Variants in KCNJ16 observed in about 807,000 individuals in gnomAD.
KCNJ16 encodes the protein potassium inwardly rectifying channel subfamily J member 16, also known as inward rectifier potassium channel 16.
KCNJ16 carries 15 observed loss-of-function variants against 18.5 expected under a neutral mutation model. The observed-to-expected ratio is 0.81, with a 90% CI of 0.54 to 1.25. The LOEUF (loss-of-function observed/expected upper bound fraction) is 1.25. KCNJ16 is among the 50% of genes most tolerant of loss of function. KCNJ16 has a pLI of 0.00. For synonymous variants in KCNJ16, 174 were observed against 186.5 expected (o/e 0.93, Z 0.55); for missense variants, 523 against 525.7 (o/e 0.99, Z 0.05).
rs1305205889 is a variant in KCNJ16, at chr17:70,133,162, G to A, written c.1075G>A (p.Val359Ile). 6.2e-7 allele frequency: 1 copy of A among 1,614,094 alleles called. No homozygotes were observed. The highest frequency in any genetic ancestry group is 2.2e-5 in the East Asian group (1 of 44,898). ...GCTCCACATAGAAAAAGCACCACCAGTTCGAGAATCCTGCACGTCGGACAC... is the reference window on the plus strand; with the variant it reads ...GCTCCACATAGAAAAAGCACCACCAATTCGAGAATCCTGCACGTCGGACAC... Reference protein sequence around the residue: ...QQLHIEKAPPVRESCTSDTKA... With the variant: ...QQLHIEKAPPIRESCTSDTKA... The change falls in exon 4 of 4, where the codon GTT becomes ATT. Residue 359 changes from valine to isoleucine, a missense_variant. By Grantham distance (29) the Val-to-Ile change is conservative (BLOSUM62 3). Transcript: ENST00000392671.
chr17:70,092,515 TA>T (rs1360811555), intron 1 of KCNJ16, among the ~76,000 whole-genome samples: 1 of 39,416 alleles, frequency 2.5e-5, no homozygotes, highest in Non-Finnish European at 5.4e-5. Context: ...GATAGATAGA[TA>T]GATAGATACA....
At chr17:70,094,509 A>T (rs1475689540) in intron 1 of KCNJ16, among the ~76,000 whole-genome samples, 1 of 152,224 alleles carries the variant, frequency 6.6e-6, no homozygotes, top group Non-Finnish European at 1.5e-5. Context: ...AATTAATAAA[A>T]GTATGTATTT....
chr17:70,098,340 G>A (rs1598116567), intron 1 of KCNJ16, among the ~76,000 whole-genome samples: 1 of 152,162 alleles, frequency 6.6e-6, no homozygotes, highest in South Asian at 2.1e-4. Flanking sequence ...AATCAAGTGT[G>A]GAAAAGGCTA....
chr17:70,095,217 T>C (rs1372685003), intron 1 of KCNJ16, among the ~76,000 whole-genome samples: 1 of 152,228 alleles, frequency 6.6e-6, no homozygotes, highest in South Asian at 2.1e-4. Flanking sequence ...ACTATGTTTT[T>C]TATCTTGAGA....
intron 2 of KCNJ16, among the ~76,000 whole-genome samples, chr17:70,116,512 C>G (rs2073412667): frequency 6.6e-6 from 1 of 152,138 alleles, no homozygotes; most frequent in Admixed American, 6.5e-5. Context: ...TAGCTTACCT[C>G]CAGAAATAGT....
chr17:70,133,319 G>T lies in KCNJ16; in HGVS notation c.1232G>T (p.Arg411Ile). 6.2e-7 allele frequency: 1 copy of T among 1,613,406 alleles called. No homozygotes were observed. Among genetic ancestry groups the T allele is most frequent in the East Asian group, 2.2e-5 (1 of 44,862 alleles). The change falls in exon 4 of 4, where the codon AGA becomes ATA. Residue 411 changes from arginine (R) to isoleucine (I), a missense_variant. Arg to Ile is a moderately conservative substitution (Grantham distance 97). Coordinates refer to ENST00000392671, the MANE Select transcript of KCNJ16 (RefSeq NM_170741.4). ...CAGAAAGCTCTCCTGACTTTAAACA[G>T]AATCTCTGTAGAATCCCAAATGTAG... The part of the protein sequence containing the change: ...PYQKALLTLN[R>I]ISVESQM
intron 1 of KCNJ16, among the ~76,000 whole-genome samples, chr17:70,095,968 C>T (rs550274096): frequency 8.1e-5 from 12 of 149,056 alleles, no homozygotes; most frequent in African/African-American, 1.5e-4. Flanking sequence ...CTGCAAGCTC[C>T]GCCTCCCGGG....
intron 2 of KCNJ16, among the ~76,000 whole-genome samples, chr17:70,110,064 C>T (rs887903406): frequency 2.0e-5 from 3 of 152,164 alleles, no homozygotes; most frequent in African/African-American, 7.2e-5. Flanking sequence ...TGTAAAGTTT[C>T]TCCAGACACG....
At chr17:70,076,600 G>C (rs944439839) in intron 1 of KCNJ16, among the ~76,000 whole-genome samples, 1 of 152,114 alleles carries the variant, frequency 6.6e-6, no homozygotes, top group Non-Finnish European at 1.5e-5. Flanking sequence ...TGCAAGAAAA[G>C]ACTGCTTTGG....
In KCNJ16 at chr17:70,086,764, A is replaced by G. The variant is rs531219718; in HGVS notation, c.-300+11374A>G. Among the ~76,000 whole-genome samples, 9 of 152,312 alleles carry G rather than the reference A, an allele frequency of 5.9e-5. No individual in the cohort carries two copies. In the East Asian group the frequency reaches 1.7e-3, roughly 29 times the overall value. The stretch of plus-strand genomic sequence containing the variant: ...TTTTAAACTAAAGATCAGATCATAC[A>G]CTGGCATATTTTTGTTATTCTTGTT... On this transcript the variant is annotated intron_variant, in intron 1 of 3. Transcript: ENST00000392671.
intron 1 of KCNJ16, 135 bp downstream of exon 1, chr17:70,075,525 ATAATT>A (rs1049263922): frequency 3.3e-5 from 5 of 152,218 alleles, no homozygotes; most frequent in African/African-American, 1.2e-4. Flanking sequence ...TGCAATTAAG[ATAATT>A]TAATTTTTTA....
intron 1 of KCNJ16, chr17:70,096,843 G>A (rs1376754468): frequency 2.5e-6 from 1 of 397,522 alleles, no homozygotes. Flanking sequence ...TAGTAACTTG[G>A]TCAGGGTTTT....
chr17:70,129,512 A>G (rs1035118025), intron 2 of KCNJ16, among the ~76,000 whole-genome samples: 9 of 152,234 alleles, frequency 5.9e-5, no homozygotes, highest in African/African-American at 2.2e-4. Flanking sequence ...TTTGGTTACA[A>G]TTGATCATTT....
chr17:70,082,430 T>C (rs2071595766), intron 1 of KCNJ16, among the ~76,000 whole-genome samples: 1 of 152,150 alleles, frequency 6.6e-6, no homozygotes, highest in Non-Finnish European at 1.5e-5. Flanking sequence ...GAAACTATAA[T>C]TCTAATACTG....
At chr17:70,094,467 T>C (rs1270613475) in intron 1 of KCNJ16, among the ~76,000 whole-genome samples, 3 of 152,088 alleles carry the variant, frequency 2.0e-5, no homozygotes, top group Admixed American at 1.3e-4. Flanking sequence ...ATTTGAGAAA[T>C]TGTAAAAGTT....
At chr17:70,125,046 G>C (rs1216592195) in intron 2 of KCNJ16, among the ~76,000 whole-genome samples, 2 of 151,968 alleles carry the variant, frequency 1.3e-5, no homozygotes, top group Non-Finnish European at 2.9e-5. Flanking sequence ...CTGGAGGATT[G>C]CTTGAGGTCA....
intron 2 of KCNJ16, chr17:70,101,315 T>C (rs2072608008): frequency 6.6e-6 from 1 of 152,232 alleles, no homozygotes; most frequent in Admixed American, 6.5e-5. Flanking sequence ...GAAACCCAGA[T>C]CTAGGATATT....
chr17:70,126,214 T>C (rs954874857), intron 2 of KCNJ16, among the ~76,000 whole-genome samples: 3 of 152,234 alleles, frequency 2.0e-5, no homozygotes, highest in African/African-American at 7.2e-5. Flanking sequence ...AGAATGCTTT[T>C]GTTCTTAAGA....
intron 2 of KCNJ16, among the ~76,000 whole-genome samples, chr17:70,114,715 G>A (rs2073332458): frequency 6.6e-6 from 1 of 152,114 alleles, no homozygotes; most frequent in Non-Finnish European, 1.5e-5. Context: ...GCAATTAGAT[G>A]CTAAAACAGA....
Sources: gnomAD v4.1 joint callset for allele counts (sites outside exome capture counted in the v4.1 genomes callset) on GRCh38, gnomAD v4.1.1 for gene constraint, MANE v1.5 for transcripts, NCBI Gene and HGNC (gene_info 2026-07-23, HGNC 2026-07-21) for gene names.